Variants in DMD observed in about 807,000 individuals in gnomAD.
The protein encoded by DMD is mutant dystrophin.
In DMD, 63 loss-of-function variants were observed where a neutral mutation model predicts 330.1. The observed-to-expected ratio is 0.19, with a 90% CI of 0.16 to 0.24. The LOEUF is 0.24. DMD is among the 10% of genes least tolerant of loss of function. The pLI, the probability that DMD is intolerant of heterozygous loss-of-function variation, is 1.00. For missense variants in DMD, 3,344 were observed against 2,684.1 expected (o/e 1.25, Z -5.43); for synonymous variants, 1,223 against 959.8 (o/e 1.27, Z -5.07).
At chrX:31,814,342 G>T (rs985803705) in intron 50 of DMD, among the ~76,000 whole-genome samples, 4 of 106,974 alleles carry the variant, frequency 3.7e-5, no homozygotes, top group Non-Finnish European at 7.7e-5. Context: ...AATTAGCCGG[G>T]CGTGGTGGCG....
chrX:32,704,376 T>G (rs1293976149), intron 7 of DMD, among the ~76,000 whole-genome samples: 1 of 109,517 alleles, frequency 9.1e-6, no homozygotes, highest in Non-Finnish European at 1.9e-5. Context: ...TCAACAAAAC[T>G]AATCTTGGGC....
chrX:32,517,369 C>T (rs1414446502), intron 18 of DMD: 1 of 111,787 alleles, frequency 8.9e-6, no homozygotes, highest in Non-Finnish European at 1.9e-5. Flanking sequence ...AAAGATGAAA[C>T]ACTTTATATT....
intron 9 of DMD, among the ~76,000 whole-genome samples, chrX:32,679,872 G>A (rs907238245): frequency 1.8e-4 from 11 of 61,181 alleles, no homozygotes; most frequent in Admixed American, 3.9e-4. Context: ...TCACTAAATT[G>A]TTGATGTTCG....
chrX:31,564,141 C>T (rs995505244), intron 55 of DMD, among the ~76,000 whole-genome samples: 2 of 111,129 alleles, frequency 1.8e-5, no homozygotes, highest in Non-Finnish European at 3.8e-5. Flanking sequence ...ATTCTCCTTC[C>T]GAGCCCTCAG....
intron 4 of DMD, among the ~76,000 whole-genome samples, chrX:32,843,998 C>A (rs781581155): frequency 3.6e-5 from 4 of 112,423 alleles, no homozygotes; most frequent in African/African-American, 1.3e-4. Context: ...TTGGAGACAG[C>A]GTTTAATAAG....
intron 9 of DMD, among the ~76,000 whole-genome samples, chrX:32,646,275 A>G (rs2059777540): frequency 9.0e-6 from 1 of 111,475 alleles, no homozygotes; most frequent in African/African-American, 3.3e-5. Flanking sequence ...AAATTTGAGT[A>G]AACTACTAAG....
rs1491508676 is a variant in DMD, at chrX:31,384,308, T to TCAC, written c.9085-35677_9085-35675dup. ...GAGGGGATCAGGGTAATATCCTGCT[T>TCAC]CACTACTACTACTACTACTACTACT... is the stretch of plus-strand genomic sequence containing the variant. On this transcript the variant is annotated intron_variant, in intron 60 of 78. Coordinates refer to ENST00000357033, the MANE Select transcript of DMD (RefSeq NM_004006.3). Among the ~76,000 whole-genome samples, 6 of 71,641 alleles carry TCAC rather than the reference T, an allele frequency of 8.4e-5. No individual in the cohort carries two copies. The East Asian group carries it at 1.4e-3, about 17-fold the overall frequency. The allele number at this position is 71,641 out of a possible 115,157, so 62.2% of individuals were successfully genotyped here.
At chrX:33,282,863 G>A (rs1305352952) in intron 1 of DMD, among the ~76,000 whole-genome samples, 1 of 112,074 alleles carries the variant, frequency 8.9e-6, no homozygotes, top group African/African-American at 3.2e-5. Context: ...TCTTCTGTTG[G>A]ATAGGGGCAC....
chrX:32,797,077 G>A (rs146920811), intron 7 of DMD, among the ~76,000 whole-genome samples: 1,957 of 111,738 alleles, frequency 0.018, 46 homozygotes, highest in African/African-American at 0.059. Flanking sequence ...CCAGCTTTAA[G>A]GTTTTTGGAT....
intron 30 of DMD, among the ~76,000 whole-genome samples, chrX:32,398,098 T>C (rs12392912): frequency 0.031 from 3,355 of 109,728 alleles, 116 homozygotes; most frequent in African/African-American, 0.1. Flanking sequence ...ACAAAATATA[T>C]CAAAAGATTT....
At chrX:32,306,922 A>G (rs2097542458) in intron 42 of DMD, among the ~76,000 whole-genome samples, 1 of 111,302 alleles carries the variant, frequency 9.0e-6, no homozygotes, top group South Asian at 3.7e-4. Context: ...ATTATAAGCT[A>G]TGTTCTTATT....
At chrX:31,181,084 T>C (rs968511008) in intron 68 of DMD, among the ~76,000 whole-genome samples, 1 of 111,905 alleles carries the variant, frequency 8.9e-6, no homozygotes, top group African/African-American at 3.2e-5. Context: ...TACCTACAAA[T>C]GATAACTGAA....
At chrX:32,366,085 C>A (rs1461538724) in intron 34 of DMD, among the ~76,000 whole-genome samples, 1 of 112,298 alleles carries the variant, frequency 8.9e-6, no homozygotes, top group Non-Finnish European at 1.9e-5. Flanking sequence ...TAAGAGAATA[C>A]CACTATTTCC....
intron 60 of DMD, among the ~76,000 whole-genome samples, chrX:31,405,913 G>C (rs1455646666): frequency 1.8e-5 from 2 of 111,833 alleles, no homozygotes; most frequent in Non-Finnish European, 3.8e-5. Flanking sequence ...AAAAACACAA[G>C]AGGGGAACAA....
intron 9 of DMD, among the ~76,000 whole-genome samples, chrX:32,653,966 G>A (rs1216650235): frequency 5.4e-5 from 6 of 111,806 alleles, no homozygotes; most frequent in African/African-American, 1.9e-4. Context: ...TGTTATTGGT[G>A]TATAAGAATG....
intron 51 of DMD, among the ~76,000 whole-genome samples, chrX:31,737,913 G>T: frequency 9.0e-6 from 1 of 111,429 alleles, no homozygotes; most frequent in Non-Finnish European, 1.9e-5. Context: ...GCCTCAAATG[G>T]GCTGGTTAGA....
intron 55 of DMD, among the ~76,000 whole-genome samples, chrX:31,517,918 AAC>A (rs372551324): frequency 0.4 from 35,884 of 89,088 alleles, 6,029 homozygotes; most frequent in East Asian, 0.47. Context: ...CTGTGTTTCA[AAC>A]ACACACACAC....
At chrX:32,764,778 T>A (rs1307915742) in intron 7 of DMD, among the ~76,000 whole-genome samples, 1 of 111,565 alleles carries the variant, frequency 9.0e-6, no homozygotes, top group Non-Finnish European at 1.9e-5. Flanking sequence ...AGGTCCTTTT[T>A]TCAATTCTTT....
Position 32,844,683 on chromosome X carries a change from G to T in DMD, c.264+100C>A, listed in dbSNP as rs1009835890. 1.1e-5 allele frequency: 8 copies of T among 715,609 alleles called. No individual in the cohort carries two copies. In the East Asian group the frequency reaches 2.6e-4, roughly 24 times the overall value. 59.0% of individuals were successfully genotyped at this position (715,609 alleles called of 1,213,427 possible). A position where few individuals can be genotyped will look rare whatever the true frequency, so the allele number is the denominator to read the frequency against. On this transcript the variant is annotated intron_variant, in intron 4 of 78. Coordinates refer to ENST00000357033, the MANE Select transcript of DMD (RefSeq NM_004006.3). ...GTAAGAACTGGTCTGATTTACAAGA[G>T]AATTTGAAATACTTTCTCTGCATTT...
Sources: gnomAD v4.1 joint callset for allele counts (sites outside exome capture counted in the v4.1 genomes callset) on GRCh38, gnomAD v4.1.1 for gene constraint, MANE v1.5 for transcripts, NCBI Gene and HGNC (gene_info 2026-07-23, HGNC 2026-07-21) for gene names.